The following NOX4 variants were observed in gnomAD, a reference collection of about 807,000 sequenced individuals.
NOX4 encodes the protein NADPH oxidase 4, also known as kidney oxidase-1.
A neutral mutation model predicts 87.6 loss-of-function variants in NOX4; 69 were observed. That is an observed-to-expected ratio of 0.79 (90% CI 0.65 to 0.96). NOX4 has a LOEUF of 0.96. Ranked by LOEUF, NOX4 falls within the 40% of genes least tolerant of loss-of-function variation. The probability of loss-of-function intolerance (pLI) is 0.00; values close to 1 mark genes in which losing one functional copy is unlikely to be tolerated. For missense variants in NOX4, 680 were observed against 681.5 expected (o/e 1.00, Z 0.02); for synonymous variants, 275 against 238.2 (o/e 1.15, Z -1.42).
At chr11:89,545,724 A>T in the NOX4 span, 1 of 145,932 alleles carries the variant, frequency 6.9e-6, no homozygotes, top group Non-Finnish European at 1.5e-5. Context: ...AAAAAAAAAA[A>T]GCTCTCACCA....
intron 17 of NOX4, 60 bp downstream of exon 17, chr11:89,335,785 T>C (rs1333072412): frequency 7.8e-6 from 6 of 765,468 alleles, no homozygotes; most frequent in Non-Finnish European, 1.2e-5. Flanking sequence ...ATGTAATTAT[T>C]TGAAAATATT....
intron 8 of NOX4, among the ~76,000 whole-genome samples, chr11:89,409,982 G>C (rs140484504): frequency 9.5e-4 from 145 of 152,184 alleles, no homozygotes; most frequent in African/African-American, 2.6e-3. Flanking sequence ...CCAGCACTTA[G>C]GGGCTGAGCT....
At chr11:89,380,989 C>A (rs1393318330) in intron 11 of NOX4, among the ~76,000 whole-genome samples, 3 of 152,136 alleles carry the variant, frequency 2.0e-5, no homozygotes, top group Non-Finnish European at 4.4e-5. Flanking sequence ...TTTAAACCCA[C>A]TAAATTAAAT....
intron 8 of NOX4, 100 bp from the exon 9 acceptor site, chr11:89,402,642 C>A: frequency 2.2e-6 from 2 of 916,882 alleles, no homozygotes; most frequent in Non-Finnish European, 1.7e-6. Flanking sequence ...TTTTTGTTTG[C>A]TAACTTTACA....
At chr11:89,381,043 G>T (rs946469611) in intron 11 of NOX4, among the ~76,000 whole-genome samples, 1 of 152,096 alleles carries the variant, frequency 6.6e-6, no homozygotes, top group Non-Finnish European at 1.5e-5. Flanking sequence ...GAGATCCATA[G>T]CCATTCTTGC....
chr11:89,375,674 A>G (rs1939786875), intron 11 of NOX4, among the ~76,000 whole-genome samples: 1 of 152,308 alleles, frequency 6.6e-6, no homozygotes, highest in East Asian at 1.9e-4. Context: ...CAAATAAAAT[A>G]TTATCTGCAA....
At chr11:89,407,253 C>A (rs1391713319) in intron 8 of NOX4, among the ~76,000 whole-genome samples, 1 of 151,810 alleles carries the variant, frequency 6.6e-6, no homozygotes, top group African/African-American at 2.4e-5. Context: ...CTTTCATAAA[C>A]AAATGCTAAA....
At chr11:89,529,072 G>A in the NOX4 span, among the ~76,000 whole-genome samples, 1 of 151,966 alleles carries the variant, frequency 6.6e-6, no homozygotes, top group Non-Finnish European at 1.5e-5. Context: ...TGTAGAAAGA[G>A]AAAGAATTAA....
At chr11:89,412,296 A>G (rs1942521940) in intron 8 of NOX4, among the ~76,000 whole-genome samples, 1 of 152,188 alleles carries the variant, frequency 6.6e-6, no homozygotes, top group Non-Finnish European at 1.5e-5. Flanking sequence ...ATCAGACTTA[A>G]TCTGCACTAT....
At chr11:89,452,183 T>C (rs538688617) in intron 2 of NOX4, among the ~76,000 whole-genome samples, 1 of 152,308 alleles carries the variant, frequency 6.6e-6, no homozygotes, top group South Asian at 2.1e-4. Context: ...GTTCTGCCCC[T>C]ACCCCATTGT....
At chr11:89,547,486 A>G in the NOX4 span, among the ~76,000 whole-genome samples, 1 of 152,198 alleles carries the variant, frequency 6.6e-6, no homozygotes, top group Non-Finnish European at 1.5e-5. Context: ...CTTGCTCTTC[A>G]AAGTGTAGTC....
At chr11:89,412,101 A>G (rs1337062457) in intron 8 of NOX4, among the ~76,000 whole-genome samples, 1 of 152,218 alleles carries the variant, frequency 6.6e-6, no homozygotes, top group Non-Finnish European at 1.5e-5. Context: ...AAAGGGGTCA[A>G]TTCAGCAAGA....
chr11:89,360,274 C>T (rs1486512877), intron 12 of NOX4, among the ~76,000 whole-genome samples: 1 of 152,034 alleles, frequency 6.6e-6, no homozygotes, highest in East Asian at 1.9e-4. Context: ...TTCACTCATA[C>T]AGTCTGCAGT....
At chr11:89,481,003 T>C (rs1946368625) in intron 2 of NOX4, among the ~76,000 whole-genome samples, 1 of 152,072 alleles carries the variant, frequency 6.6e-6, no homozygotes, top group African/African-American at 2.4e-5. Flanking sequence ...GTAAATAGCC[T>C]TCCTCTCTCC....
intron 17 of NOX4, among the ~76,000 whole-genome samples, chr11:89,330,434 T>C (rs1385127873): frequency 6.6e-5 from 10 of 152,060 alleles, no homozygotes; most frequent in Non-Finnish European, 1.5e-4. Context: ...GAACAATGTT[T>C]CTTTAATTTT....
At chr11:89,515,152 T>C in the NOX4 span, among the ~76,000 whole-genome samples, 1 of 152,058 alleles carries the variant, frequency 6.6e-6, no homozygotes, top group African/African-American at 2.4e-5. Context: ...CTAAGCCATT[T>C]GGTTCATAAA....
intron 12 of NOX4, among the ~76,000 whole-genome samples, chr11:89,363,997 C>T (rs1011935602): frequency 6.6e-6 from 1 of 152,064 alleles, no homozygotes; most frequent in Non-Finnish European, 1.5e-5. Flanking sequence ...GGTGTGGTGG[C>T]TCATGGCTAC....
intron 2 of NOX4, among the ~76,000 whole-genome samples, chr11:89,457,065 C>T (rs894091319): frequency 7.2e-5 from 11 of 152,278 alleles, no homozygotes; most frequent in African/African-American, 2.6e-4. Flanking sequence ...CACTGGAAGA[C>T]TGTGTCTGTT....
chr11:89,566,051 T>C, the NOX4 span, among the ~76,000 whole-genome samples: 1,431 of 150,260 alleles, frequency 9.5e-3, 19 homozygotes, highest in African/African-American at 0.033. Context: ...TTCTTTTTTT[T>C]TTTTTTTTTG....
Sources: gnomAD v4.1 joint callset for allele counts (sites outside exome capture counted in the v4.1 genomes callset) on GRCh38, gnomAD v4.1.1 for gene constraint, MANE v1.5 for transcripts, NCBI Gene and HGNC (gene_info 2026-07-23, HGNC 2026-07-21) for gene names.